The following CSMD1 variants were observed in gnomAD, a reference collection of about 807,000 sequenced individuals.
CSMD1 encodes the protein CUB and Sushi multiple domains 1.
A neutral mutation model predicts 417.5 loss-of-function variants in CSMD1; 213 were observed. The ratio of observed to expected loss-of-function variants is 0.51; its 90% CI spans 0.46 to 0.57. The LOEUF (loss-of-function observed/expected upper bound fraction) is 0.57. Ranked by LOEUF, CSMD1 falls within the 20% of genes least tolerant of loss-of-function variation. The probability of loss-of-function intolerance (pLI) is 0.00; values close to 1 mark genes in which losing one functional copy is unlikely to be tolerated. For missense variants in CSMD1, 6,923 were observed against 4,529.7 expected, an observed-to-expected ratio of 1.53 and a Z score of -15.17; for synonymous variants, 2,862 against 1,736.8, an observed-to-expected ratio of 1.65 and a Z score of -16.11.
At chr8:3,193,877 A>C (rs886703921) in intron 33 of CSMD1, among the ~76,000 whole-genome samples, 2 of 152,212 alleles carry the variant, frequency 1.3e-5, no homozygotes, top group African/African-American at 4.8e-5. Context: ...CAAATGCTCT[A>C]AGCTACAGAT....
rs1325430794 is a variant in CSMD1, at chr8:3,724,504, G to C, written c.932-16013C>G. Reference sequence around the variant, plus strand: ...AGCTATATAACCTTTAAAAAATGAAGCTGTTTGGGATTTTCAACCATTTTC... The same window carrying C: ...AGCTATATAACCTTTAAAAAATGAACCTGTTTGGGATTTTCAACCATTTTC... On this transcript the variant is annotated intron_variant, in intron 6 of 69. Transcript: ENST00000635120. 2.0e-5 allele frequency among the ~76,000 whole-genome samples: 3 copies of C among 151,998 alleles called. 1 individual carries two copies. The highest frequency in any genetic ancestry group is 7.3e-5 in the African/African-American group (3 of 41,372).
chr8:4,748,423 C>T (rs1015204499), intron 1 of CSMD1, among the ~76,000 whole-genome samples: 6 of 152,170 alleles, frequency 3.9e-5, no homozygotes, highest in Admixed American at 2.6e-4. Context: ...ATTTTATTTG[C>T]TGCTGCAGTA....
rs540710706 is a variant in CSMD1, at chr8:4,351,551, G to A, written c.415+68402C>T. Among the ~76,000 whole-genome samples, 57 of 152,258 alleles carry A rather than the reference G, an allele frequency of 3.7e-4. 1 individual carries two copies. The highest frequency in any genetic ancestry group is 3.4e-3 in the Middle Eastern group (1 of 294). ...AGATTCATGGAGGTAGAAAGTGGCC[G>A]GTCAGTTTGGCTTTAAAATGCATGT... is the stretch of plus-strand genomic sequence containing the variant. On this transcript the variant is annotated intron_variant, in intron 3 of 69. Transcript: ENST00000635120.
intron 3 of CSMD1, among the ~76,000 whole-genome samples, chr8:4,158,282 A>T (rs1796949338): frequency 6.6e-6 from 1 of 152,066 alleles, no homozygotes; most frequent in Non-Finnish European, 1.5e-5. Flanking sequence ...AAGACTAAAC[A>T]ACAGAAGTAC....
At chr8:4,915,229 A>AT (rs201965613) in intron 1 of CSMD1, among the ~76,000 whole-genome samples, 11,627 of 152,232 alleles carry the variant, frequency 0.076, 520 homozygotes, top group Non-Finnish European at 0.081. Context: ...ACATATATAT[A>AT]AAATATGTAT....
At chr8:3,348,272 G>C (rs890719960) in intron 21 of CSMD1, 111 bp from the exon 22 acceptor site, 3 of 702,296 alleles carry the variant, frequency 4.3e-6, no homozygotes, top group Non-Finnish European at 6.9e-6. Flanking sequence ...ACGTATGTGT[G>C]TTAGTAATAT....
intron 10 of CSMD1, among the ~76,000 whole-genome samples, chr8:3,504,328 G>T (rs372622073): frequency 6.6e-6 from 1 of 152,104 alleles, no homozygotes. Context: ...CTTACTCAAC[G>T]AGAGTCTTGA....
intron 12 of CSMD1, among the ~76,000 whole-genome samples, chr8:3,438,528 G>T (rs1345331324): frequency 6.6e-6 from 1 of 152,070 alleles, no homozygotes; most frequent in Non-Finnish European, 1.5e-5. Flanking sequence ...TGACTTTTTT[G>T]GTCAGCACCA....
chr8:4,662,867 G>C (rs564813856), intron 1 of CSMD1, among the ~76,000 whole-genome samples: 2 of 152,084 alleles, frequency 1.3e-5, no homozygotes, highest in Non-Finnish European at 2.9e-5. Flanking sequence ...TGGAAACGCG[G>C]GTGACAGTGT....
At chr8:4,539,247 T>G (rs975819499) in intron 2 of CSMD1, among the ~76,000 whole-genome samples, 1 of 152,224 alleles carries the variant, frequency 6.6e-6, no homozygotes, top group Non-Finnish European at 1.5e-5. Flanking sequence ...AATATTGCAT[T>G]CAGCTTTCAT....
chr8:3,893,339 TTATATA>T (rs56848640), intron 5 of CSMD1, among the ~76,000 whole-genome samples: 15 of 80,458 alleles, frequency 1.9e-4, no homozygotes, highest in Admixed American at 3.3e-4. Flanking sequence ...ATTCACAATT[TTATATA>T]TATATATATA....
chr8:3,818,243 G>T (rs1180181704), intron 5 of CSMD1, among the ~76,000 whole-genome samples: 2 of 152,048 alleles, frequency 1.3e-5, no homozygotes, highest in African/African-American at 2.4e-5. Flanking sequence ...CAGCCCCTGG[G>T]TCCGTGCAGC....
At chr8:4,829,890 T>A (rs145018636) in intron 1 of CSMD1, among the ~76,000 whole-genome samples, 226 of 152,208 alleles carry the variant, frequency 1.5e-3, no homozygotes, top group Middle Eastern at 6.8e-3. Flanking sequence ...TTTGAATGAG[T>A]CCTTATAGGT....
chr8:4,269,553 G>C (rs1316223512), intron 3 of CSMD1, among the ~76,000 whole-genome samples: 1 of 152,122 alleles, frequency 6.6e-6, no homozygotes, highest in Non-Finnish European at 1.5e-5. Flanking sequence ...TCATCTGGTA[G>C]CTTTTTTCCT....
intron 3 of CSMD1, among the ~76,000 whole-genome samples, chr8:4,386,215 C>T (rs373583384): frequency 1.3e-5 from 2 of 152,118 alleles, no homozygotes; most frequent in East Asian, 1.9e-4. Context: ...CTGGTTATGA[C>T]TTCCATCCAA....
intron 1 of CSMD1, among the ~76,000 whole-genome samples, chr8:4,650,136 G>A (rs960583738): frequency 6.6e-6 from 1 of 152,018 alleles, no homozygotes; most frequent in African/African-American, 2.4e-5. Context: ...ACGAGGTCAG[G>A]AGATCGAGAC....
At chr8:4,023,662 C>A (rs926049505) in intron 4 of CSMD1, among the ~76,000 whole-genome samples, 1 of 149,932 alleles carries the variant, frequency 6.7e-6, no homozygotes. Flanking sequence ...TCTCGGCTCA[C>A]TGCAAGCTCC....
intron 2 of CSMD1, among the ~76,000 whole-genome samples, chr8:4,541,815 G>C (rs984377386): frequency 6.6e-6 from 1 of 152,000 alleles, no homozygotes; most frequent in African/African-American, 2.4e-5. Flanking sequence ...ATAATAAGTG[G>C]AATTCTCAAT....
chr8:4,628,751 G>C (rs982457818), intron 2 of CSMD1, among the ~76,000 whole-genome samples: 2 of 152,086 alleles, frequency 1.3e-5, no homozygotes, highest in Non-Finnish European at 2.9e-5. Flanking sequence ...AGGTGAGTTA[G>C]ATACCCTTGG....
Sources: gnomAD v4.1 joint callset for allele counts (sites outside exome capture counted in the v4.1 genomes callset) on GRCh38, gnomAD v4.1.1 for gene constraint, MANE v1.5 for transcripts, NCBI Gene and HGNC (gene_info 2026-07-23, HGNC 2026-07-21) for gene names.